The following MUC12 variants were observed in gnomAD, a reference collection of about 807,000 sequenced individuals.
The protein encoded by MUC12 is mucin-12.
In MUC12, 172 loss-of-function variants were observed where a neutral mutation model predicts 230.8. The observed-to-expected ratio is 0.75, with a 90% confidence interval of 0.66 to 0.85. The LOEUF is 0.85. Among genes scored for constraint, MUC12 ranks in the 40% least tolerant of loss-of-function variants. The probability of loss-of-function intolerance (pLI) is 0.00; values close to 1 mark genes in which losing one functional copy is unlikely to be tolerated. For synonymous variants in MUC12, 1,259 were observed against 2,401.9 expected, an observed-to-expected ratio of 0.52 and a Z score of 13.91; for missense variants, 3,506 against 5,920.6, an observed-to-expected ratio of 0.59 and a Z score of 13.38.
At chr7:100,987,417 G>T (rs1035382735) in intron 1 of MUC12, among the ~76,000 whole-genome samples, 1 of 152,152 alleles carries the variant, frequency 6.6e-6, no homozygotes, top group African/African-American at 2.4e-5. Context: ...GCCTGAACCA[G>T]GGTGCAGGAG....
chr7:101,017,812 TC>T lies in MUC12; in HGVS notation c.15966+154del, dbSNP rs767246229. The T allele has an allele frequency of 5.0e-5, 21 of 417,948 alleles. No individual in the cohort carries two copies. In the East Asian group the frequency reaches 7.0e-4, roughly 14 times the overall value. The allele number at this position is 417,948 out of a possible 1,614,324, so 25.9% of individuals were successfully genotyped here. ...CCCCTGGGACCCCTTCCCTTTCCCTTCCCCCTGGGACTCCCTTCCTCCCCCT... is the reference window on the plus strand; with the variant it reads ...CCCCTGGGACCCCTTCCCTTTCCCTTCCCCTGGGACTCCCTTCCTCCCCCT... On this transcript the variant is annotated intron_variant, in intron 11 of 11. Coordinates refer to ENST00000536621, the MANE Select transcript of MUC12 (RefSeq NM_001164462.2).
Position 100,993,956 on chromosome 7 carries a change from C to G in MUC12, c.3393C>G (p.Thr1131=), listed in dbSNP as rs531548550. The change falls in exon 2 of 12, where the codon ACC becomes ACG. Residue 1131 remains threonine, a synonymous_variant. Coordinates refer to ENST00000536621, the MANE Select transcript of MUC12 (RefSeq NM_001164462.2). ...TSLGVGEEST[T]SRSQPGSTHS... ...TGGGCGTCGGTGAAGAATCCACCAC[C>G]TCCCGTAGCCAACCAGGTTCTACTC... 3 of 1,394,034 alleles carry G rather than the reference C, an allele frequency of 2.2e-6. 1 individual carries two copies. The African/African-American group carries it at 5.3e-5, about 25-fold the overall frequency. 86.4% of individuals were successfully genotyped at this position (1,394,034 alleles called of 1,614,324 possible).
Position 100,990,629 on chromosome 7 carries a change from A to G in MUC12, c.68-2A>G. On this transcript the variant is annotated splice_acceptor_variant, in intron 1 of 11. Transcript: ENST00000536621. LOFTEE classifies it high-confidence loss of function. The stretch of plus-strand genomic sequence containing the variant: ...CTTTCTCTGGTTTCTCTCAAATCAC[A>G]GGCTCAACAGTAAACACCAGTATTG... The G allele has an allele frequency of 2.6e-6, 4 of 1,537,414 alleles. No individual in the cohort carries two copies. Among genetic ancestry groups the G allele is most frequent in the Non-Finnish European group, 3.5e-6 (4 of 1,146,938 alleles).
At chr7:100,970,026 T>C (rs1792826714) in intron 1 of MUC12, among the ~76,000 whole-genome samples, 1 of 152,310 alleles carries the variant, frequency 6.6e-6, no homozygotes. Flanking sequence ...CCTGCCCTCA[T>C]CCTGGGGGCT....
intron 1 of MUC12, 132 bp from the exon 2 acceptor site, chr7:100,990,498 AG>A: frequency 9.0e-7 from 1 of 1,115,198 alleles, no homozygotes. Context: ...TGCCCCCAAA[AG>A]GGAAACTTGA....
chr7:101,008,872 C>G, intron 4 of MUC12, 111 bp downstream of exon 4: 3 of 1,385,968 alleles, frequency 2.2e-6, no homozygotes, highest in Non-Finnish European at 2.9e-6. Context: ...AGCCCCCTCC[C>G]TACCAGTCTC....
Position 100,991,763 on chromosome 7 carries a change from T to A in MUC12, c.1200T>A (p.Thr400=). Reference sequence around the variant, plus strand: ...GCACAACACACACAAAATCTTCAACTCCTAGCACCACAGCTGCCCTAGCAC... The same window carrying A: ...GCACAACACACACAAAATCTTCAACACCTAGCACCACAGCTGCCCTAGCAC... ...HGSTTHTKSS[T]PSTTAALAHT... is the part of the protein sequence containing the mutation. The change falls in exon 2 of 12, where the codon ACT becomes ACA. Residue 400 remains threonine, a synonymous_variant. Transcript: ENST00000536621. 6.5e-7 allele frequency: 1 copy of A among 1,537,936 alleles called. No homozygotes were observed. Among genetic ancestry groups the A allele is most frequent in the Non-Finnish European group, 8.7e-7 (1 of 1,147,074 alleles).
rs776016237 is a variant in MUC12 at position 100,994,010 on chromosome 7, C to G, written c.3447C>G (p.Thr1149=). The G allele has an allele frequency of 3.8e-6, 5 of 1,323,360 alleles. 1 individual carries two copies. The African/African-American group carries it at 9.5e-5, about 25-fold the overall frequency. The allele number at this position is 1,323,360 out of a possible 1,614,324, so 82.0% of individuals were successfully genotyped here. A position where few individuals can be genotyped will look rare whatever the true frequency, so the allele number is the denominator to read the frequency against. ...THSTVSPAST[T]TPGLSEESTT... Reference sequence around the variant, plus strand: ...CAACAGTGTCACCTGCCAGCACCACCACGCCAGGCCTCAGTGAGGAATCTA... The same window carrying G: ...CAACAGTGTCACCTGCCAGCACCACGACGCCAGGCCTCAGTGAGGAATCTA... The change falls in exon 2 of 12, where the codon ACC becomes ACG. Residue 1149 remains threonine, a synonymous_variant. Coordinates refer to ENST00000536621, the MANE Select transcript of MUC12 (RefSeq NM_001164462.2).
chr7:100,989,431 T>A (rs1793244678), intron 1 of MUC12, among the ~76,000 whole-genome samples: 1 of 151,768 alleles, frequency 6.6e-6, no homozygotes, highest in South Asian at 2.1e-4. Flanking sequence ...ATCAGCAGTG[T>A]GAAAATGGAC....
chr7:101,004,912 C>G lies in MUC12; in HGVS notation c.14349C>G (p.Ala4783=). 1.3e-6 allele frequency: 2 copies of G among 1,537,732 alleles called. No homozygotes were observed. Among genetic ancestry groups the G allele is most frequent in the Non-Finnish European group, 1.7e-6 (2 of 1,147,056 alleles). The change falls in exon 2 of 12, where the codon GCC becomes GCG. Residue 4783 remains alanine, a synonymous_variant. Coordinates refer to ENST00000536621, the MANE Select transcript of MUC12 (RefSeq NM_001164462.2). ...CAACACACACAACAGCGTTCCCTGC[C>G]AGCACCACCACCTCAGGCCTCAGTC... The part of the protein sequence containing the change: ...AESTHTTAFP[A]STTTSGLSQE...
At chr7:100,975,156 G>C (rs1307565029) in intron 1 of MUC12, among the ~76,000 whole-genome samples, 3 of 152,304 alleles carry the variant, frequency 2.0e-5, no homozygotes, top group Non-Finnish European at 4.4e-5. Context: ...GGACACAAAA[G>C]CCAGAAAATG....
rs74570695 is a variant in MUC12 at position 101,012,897 on chromosome 7, G to A, written c.15475+7G>A. The stretch of plus-strand genomic sequence containing the variant: ...CCGGGCTTTGACTTCCAGGGTAAGC[G>A]ACTACGTGGAGCGTGGGCACTAAGA... On this transcript the variant is annotated splice_region_variant and intron_variant, in intron 7 of 11. Coordinates refer to ENST00000536621, the MANE Select transcript of MUC12 (RefSeq NM_001164462.2). 0.028 allele frequency: 43,706 copies of A among 1,537,210 alleles called. 770 individuals are homozygous for A. The highest frequency in any genetic ancestry group is 0.075 in the Middle Eastern group (452 of 5,990).
rs780237695 is a variant in MUC12, at chr7:100,992,280, C to G, written c.1717C>G (p.Leu573Val). ...CCCTGGCAGTACCACAGCATCATCC[C>G]TTGGTCCAGAATATACTACCTTCCA... is the stretch of plus-strand genomic sequence containing the variant. ...LSPGSTTASSLGPEYTTFHSR... is the reference protein window; with the variant it reads ...LSPGSTTASSVGPEYTTFHSR... The change falls in exon 2 of 12, where the codon CTT (leucine) becomes GTT (valine). Residue 573 changes from leucine (L) to valine (V), a missense_variant. Transcript: ENST00000536621. The G allele has an allele frequency of 1.3e-6, 2 of 1,536,914 alleles. No individual in the cohort carries two copies. The highest frequency in any genetic ancestry group is 1.7e-6 in the Non-Finnish European group (2 of 1,146,252).
chr7:101,004,749 C>A lies in MUC12; in HGVS notation c.14186C>A (p.Ala4729Asp). ...ATGGAAACAACATTAGCCAGCACTG[C>A]CACAACACCAGGCCTCAGTGCAAAA... Reference protein sequence around the residue: ...GSMETTLASTATTPGLSAKST... With the variant: ...GSMETTLASTDTTPGLSAKST... Residue 4729 changes from alanine to aspartate, a missense_variant, in exon 2 of 12, where the codon GCC becomes GAC. By Grantham distance (126) the Ala-to-Asp change is moderately radical. Transcript: ENST00000536621. The A allele has an allele frequency of 6.5e-7, 1 of 1,536,918 alleles. No homozygotes were observed. Among genetic ancestry groups the A allele is most frequent in the Non-Finnish European group, 8.7e-7 (1 of 1,146,334 alleles).
intron 5 of MUC12, among the ~76,000 whole-genome samples, chr7:101,012,066 A>T (rs972935836): frequency 6.6e-6 from 1 of 152,184 alleles, no homozygotes; most frequent in African/African-American, 2.4e-5. Flanking sequence ...TTTGCGAGAG[A>T]TGAATTTCAC....
chr7:101,018,932 G>C lies in MUC12; in HGVS notation c.*296G>C, dbSNP rs1794006441. ...CCTACCAATAAAAGCAAATCTGAAA[G>C]CTCAGAATGAGAAGTGAGAGGTTTC... On this transcript the variant is annotated 3_prime_UTR_variant, in exon 12 of 12. Coordinates refer to ENST00000536621, the MANE Select transcript of MUC12 (RefSeq NM_001164462.2). 1 of 398,606 alleles carries C rather than the reference G, an allele frequency of 2.5e-6. No individual in the cohort carries two copies. 24.7% of individuals were successfully genotyped at this position (398,606 alleles called of 1,614,324 possible).
At chr7:101,010,410 C>T (rs1309299803) in intron 5 of MUC12, among the ~76,000 whole-genome samples, 1 of 152,122 alleles carries the variant, frequency 6.6e-6, no homozygotes, top group African/African-American at 2.4e-5. Flanking sequence ...AATTATGGCT[C>T]ACTGCAGGCT....
Position 100,995,733 on chromosome 7 carries a change from C to G in MUC12, c.5170C>G (p.Pro1724Ala), listed in dbSNP as rs1421606614. The change falls in exon 2 of 12, where the codon CCA becomes GCA. Residue 1724 changes from proline to alanine, a missense_variant. Transcript: ENST00000536621. ...CTCCCACGGCAGCCCGAGCTCAACTCCAACAACCCACTTTTCTGCCAGCTC... is the reference window on the plus strand; with the variant it reads ...CTCCCACGGCAGCCCGAGCTCAACTGCAACAACCCACTTTTCTGCCAGCTC... ...TTSHGSPSST[P>A]TTHFSASSTT... 3.3e-6 allele frequency: 5 copies of G among 1,534,962 alleles called. No individual in the cohort carries two copies. Among genetic ancestry groups the G allele is most frequent in the South Asian group, 1.2e-5 (1 of 83,908 alleles).
intron 5 of MUC12, among the ~76,000 whole-genome samples, chr7:101,011,038 C>T (rs1302371329): frequency 2.0e-5 from 3 of 152,092 alleles, no homozygotes; most frequent in Non-Finnish European, 4.4e-5. Flanking sequence ...TGGCTCAGGT[C>T]GGGGGTGAGG....
Sources: gnomAD v4.1 joint callset for allele counts (sites outside exome capture counted in the v4.1 genomes callset) on GRCh38, gnomAD v4.1.1 for gene constraint, MANE v1.5 for transcripts, NCBI Gene and HGNC (gene_info 2026-07-23, HGNC 2026-07-21) for gene names.